ANAPC4: variants seen among roughly 807,000 people sequenced by gnomAD.
The protein encoded by ANAPC4 is anaphase-promoting complex subunit 4.
A neutral mutation model predicts 119.8 loss-of-function variants in ANAPC4; 63 were observed. That is an observed-to-expected ratio of 0.53 (90% confidence interval 0.43 to 0.65). The LOEUF is 0.65. Among genes scored for constraint, ANAPC4 ranks in the 30% least tolerant of loss-of-function variants. The pLI is 0.00. For synonymous variants in ANAPC4, 283 were observed against 318.6 expected, an observed-to-expected ratio of 0.89 and a Z score of 1.19; for missense variants, 716 against 945.1, an observed-to-expected ratio of 0.76 and a Z score of 3.18.
rs78104051 is a variant in ANAPC4, at chr4:25,400,461, A to G, written c.1215-2510A>G. ...TTATTATCCTAACAAGACATCTGTCATCAGCTGAGAGTAAGGATGGGGAGG... is the reference window on the plus strand; with the variant it reads ...TTATTATCCTAACAAGACATCTGTCGTCAGCTGAGAGTAAGGATGGGGAGG... On this transcript the variant is annotated intron_variant, in intron 16 of 28. Coordinates refer to ENST00000315368, the MANE Select transcript of ANAPC4 (RefSeq NM_013367.3). Among the ~76,000 whole-genome samples, 425 of 152,222 alleles carry G rather than the reference A, an allele frequency of 2.8e-3. 2 individuals are homozygous for G. Among genetic ancestry groups the G allele is most frequent in the African/African-American group, 9.8e-3 (409 of 41,540 alleles).
chr4:25,390,329 G>T, intron 8 of ANAPC4, 109 bp downstream of exon 8: 1 of 696,888 alleles, frequency 1.4e-6, no homozygotes. Flanking sequence ...TCGATTTTTG[G>T]AATTATTCTT....
intron 2 of ANAPC4, 30 bp downstream of exon 2, chr4:25,377,586 C>T: frequency 6.3e-7 from 1 of 1,576,180 alleles, no homozygotes; most frequent in East Asian, 2.3e-5. Context: ...CCCGCCTGTG[C>T]TGGGTCTGCT....
At chr4:25,394,199 T>C in intron 11 of ANAPC4, 111 bp from the exon 12 acceptor site, 1 of 884,866 alleles carries the variant, frequency 1.1e-6, no homozygotes, top group Non-Finnish European at 1.7e-6. Flanking sequence ...CTTTATGGAT[T>C]TGATGGAAGT....
chr4:25,380,409 T>C lies in ANAPC4; in HGVS notation c.165T>C (p.Val55=), dbSNP rs201421729. 12 of 1,613,382 alleles carry C rather than the reference T, an allele frequency of 7.4e-6. No individual in the cohort carries two copies. The East Asian group carries it at 2.5e-4, about 33-fold the overall frequency. ...LLHRLASFHR[V]WSFPPNENTG... is the part of the protein sequence containing the mutation. ...ATCGACTGGCAAGTTTTCATCGAGT[T>C]TGGAGTTTTCCACCAAATGAAAATA... The change falls in exon 3 of 29, where the codon GTT becomes GTC. Residue 55 remains valine, a synonymous_variant. Coordinates refer to ENST00000315368, the MANE Select transcript of ANAPC4 (RefSeq NM_013367.3).
chr4:25,387,519 G>A (rs1722104979), intron 4 of ANAPC4, among the ~76,000 whole-genome samples: 2 of 152,104 alleles, frequency 1.3e-5, no homozygotes, highest in Non-Finnish European at 2.9e-5. Context: ...AATGTTAGAG[G>A]GTCAGAGCAT....
At chr4:25,394,515 C>G in intron 12 of ANAPC4, 141 bp downstream of exon 12, 1 of 1,008,226 alleles carries the variant, frequency 9.9e-7, no homozygotes, top group Non-Finnish European at 1.4e-6. Flanking sequence ...GTGTTACATA[C>G]TTACGGGGTA....
At position 25,405,119 on chromosome 4, in the gene ANAPC4, A is replaced by G. The variant is rs1374864859; in HGVS notation, c.1271-454A>G. On this transcript the variant is annotated intron_variant, in intron 17 of 28. Transcript: ENST00000315368. The surrounding 1 kb of genome is among the most constrained non-coding windows in gnomAD (Gnocchi z 4.6). The stretch of plus-strand genomic sequence containing the variant: ...ACGGAGAGAGTCAACCACAGATACT[A>G]GATCAAAGAAAAGTACATAAATATA... Among the ~76,000 whole-genome samples the G allele has an allele frequency of 6.6e-6, 1 of 151,132 alleles. No individual in the cohort carries two copies.
chr4:25,385,203 C>T (rs1321591636), intron 4 of ANAPC4, among the ~76,000 whole-genome samples: 1 of 152,152 alleles, frequency 6.6e-6, no homozygotes, highest in Non-Finnish European at 1.5e-5. Context: ...AGCTTTGAAG[C>T]CAGGCATTGA....
intron 8 of ANAPC4, 43 bp from the exon 9 acceptor site, chr4:25,390,868 A>G (rs759418058): frequency 2.7e-6 from 4 of 1,457,786 alleles, no homozygotes; most frequent in South Asian, 1.2e-5. Context: ...GCTTCAACCT[A>G]GCAGTGATAC....
chr4:25,398,414 T>G (rs1433706702), intron 16 of ANAPC4, among the ~76,000 whole-genome samples: 1 of 151,816 alleles, frequency 6.6e-6, no homozygotes, highest in South Asian at 2.1e-4. Flanking sequence ...CTGTTGATAT[T>G]TGGGGGTGGA....
intron 7 of ANAPC4, among the ~76,000 whole-genome samples, chr4:25,389,757 G>A (rs575902584): frequency 6.6e-6 from 1 of 152,220 alleles, no homozygotes; most frequent in Admixed American, 6.5e-5. Context: ...AAAATTTTAA[G>A]TATTCATGTT....
At chr4:25,406,986 T>A in intron 19 of ANAPC4, 101 bp downstream of exon 19, 8 of 1,004,752 alleles carry the variant, frequency 8.0e-6, no homozygotes, top group Non-Finnish European at 1.2e-5. Context: ...AATTGAAGTC[T>A]ATAGCAATTA....
rs1721766978 is a variant in ANAPC4 at position 25,382,121 on chromosome 4, T to C, written c.236-1140T>C. Among the ~76,000 whole-genome samples the C allele has an allele frequency of 2.6e-5, 4 of 151,616 alleles. No individual in the cohort carries two copies. In the South Asian group the frequency reaches 8.3e-4, roughly 31 times the overall value. ...TTTGTTGTATAGCTTTTTCTTTTTTTTCCCCCCCCTCACTTTTTCCCATGT... is the reference window on the plus strand; with the variant it reads ...TTTGTTGTATAGCTTTTTCTTTTTTCTCCCCCCCCTCACTTTTTCCCATGT... On this transcript the variant is annotated intron_variant, in intron 3 of 28. Coordinates refer to ENST00000315368, the MANE Select transcript of ANAPC4 (RefSeq NM_013367.3).
chr4:25,388,669 G>A, intron 5 of ANAPC4, 48 bp from the exon 6 acceptor site: 2 of 1,569,930 alleles, frequency 1.3e-6, no homozygotes, highest in Non-Finnish European at 1.7e-6. Flanking sequence ...TTTAAAATAT[G>A]TATTTTTACT....
intron 5 of ANAPC4, 35 bp downstream of exon 5, chr4:25,388,609 C>G (rs1386260254): frequency 6.4e-7 from 1 of 1,569,242 alleles, no homozygotes. Context: ...ATTAATCTTG[C>G]AGATTTCTCT....
intron 9 of ANAPC4, among the ~76,000 whole-genome samples, chr4:25,391,840 A>G (rs1439407460): frequency 6.6e-6 from 1 of 152,368 alleles, no homozygotes; most frequent in East Asian, 1.9e-4. Context: ...ATGGTTGTTC[A>G]TATTTGCTCA....
At chr4:25,407,662 A>T (rs185423049) in intron 20 of ANAPC4, among the ~76,000 whole-genome samples, 1 of 151,926 alleles carries the variant, frequency 6.6e-6, no homozygotes, top group African/African-American at 2.4e-5. Context: ...GTGAGTTGTT[A>T]TTTATTGCTG....
intron 4 of ANAPC4, among the ~76,000 whole-genome samples, chr4:25,385,393 G>T (rs1014407627): frequency 6.6e-5 from 10 of 152,192 alleles, no homozygotes; most frequent in Non-Finnish European, 1.2e-4. Context: ...GTTGTTGAGT[G>T]TAACCACTTT....
chr4:25,404,526 C>G (rs527347337), intron 17 of ANAPC4, among the ~76,000 whole-genome samples: 105 of 152,156 alleles, frequency 6.9e-4, no homozygotes, highest in African/African-American at 2.4e-3. Flanking sequence ...TAGTAAGAAT[C>G]CTTACTACAT....
Sources: gnomAD v4.1 joint callset for allele counts (sites outside exome capture counted in the v4.1 genomes callset) on GRCh38, gnomAD v4.1.1 for gene constraint, Gnocchi (gnomAD v3.1) non-coding constraint, MANE v1.5 for transcripts, NCBI Gene and HGNC (gene_info 2026-07-23, HGNC 2026-07-21) for gene names.